ATF7IP: variants seen among roughly 807,000 people sequenced by gnomAD.
ATF7IP encodes the protein activating transcription factor 7 interacting protein, also known as activating transcription factor 7-interacting protein 1.
ATF7IP carries 23 observed loss-of-function variants against 106.4 expected under a neutral mutation model. The ratio of observed to expected loss-of-function variants is 0.22; its 90% CI spans 0.16 to 0.31. The LOEUF is 0.31. ATF7IP is among the 10% of genes least tolerant of loss of function. The pLI is 1.00. For missense variants in ATF7IP, 1,334 were observed against 1,524.3 expected (o/e 0.88, Z 2.08); for synonymous variants, 542 against 539.0 (o/e 1.01, Z -0.08).
intron 8 of ATF7IP, among the ~76,000 whole-genome samples, chr12:14,457,977 C>G (rs1349534339): frequency 6.6e-6 from 1 of 151,692 alleles, no homozygotes; most frequent in African/African-American, 2.4e-5. Context: ...GCCTGTAATC[C>G]CAGCTACTCA....
chr12:14,494,873 C>T (rs554062844), intron 13 of ATF7IP, among the ~76,000 whole-genome samples: 1 of 142,422 alleles, frequency 7.0e-6, no homozygotes, highest in African/African-American at 2.6e-5. Flanking sequence ...GCGGAGGTTG[C>T]AGTGAGCCGA....
intron 6 of ATF7IP, among the ~76,000 whole-genome samples, chr12:14,452,809 TA>T (rs1943257075): frequency 2.0e-5 from 3 of 152,192 alleles, no homozygotes; most frequent in Admixed American, 1.3e-4. Flanking sequence ...TAGAGAAGTT[TA>T]TATTTTTGTA....
intron 1 of ATF7IP, among the ~76,000 whole-genome samples, chr12:14,411,260 A>G (rs888553320): frequency 1.4e-4 from 21 of 152,154 alleles, no homozygotes; most frequent in African/African-American, 4.8e-4. Context: ...TGAAGGTTCC[A>G]ATTTATCCAT....
chr12:14,471,681 C>T (rs1944050512), intron 10 of ATF7IP, among the ~76,000 whole-genome samples: 2 of 152,060 alleles, frequency 1.3e-5, no homozygotes, highest in Admixed American at 6.6e-5. Flanking sequence ...AGAATGAGAG[C>T]AGAGCAAAGC....
At chr12:14,381,516 C>G (rs1939000572) in intron 1 of ATF7IP, among the ~76,000 whole-genome samples, 1 of 152,174 alleles carries the variant, frequency 6.6e-6, no homozygotes, top group Admixed American at 6.5e-5. Flanking sequence ...CAGGCTTGAG[C>G]CATCGTGTCC....
rs1262865301 is a variant in ATF7IP, at chr12:14,385,499, G to A, written c.-8+19672G>A. 4 of 1,161,964 alleles carry A rather than the reference G, an allele frequency of 3.4e-6. No homozygotes were observed. In the Admixed American group the frequency reaches 7.6e-5, roughly 22 times the overall value. 72.0% of individuals were successfully genotyped at this position (1,161,964 alleles called of 1,614,324 possible). On this transcript the variant is annotated intron_variant, in intron 1 of 14. Transcript: ENST00000261168. ...ACTTAGAGGGGTGAACTTAGAGCTT[G>A]GTTTTTAAAAAGTTGAAATGTTTGG... is the stretch of plus-strand genomic sequence containing the variant.
At chr12:14,395,575 C>G (rs1157633454) in intron 1 of ATF7IP, among the ~76,000 whole-genome samples, 4 of 152,060 alleles carry the variant, frequency 2.6e-5, no homozygotes, top group Non-Finnish European at 5.9e-5. Flanking sequence ...TCATTATAGT[C>G]TGTTACTATA....
chr12:14,416,811 C>CTA, intron 1 of ATF7IP: 1 of 630,462 alleles, frequency 1.6e-6, no homozygotes, highest in South Asian at 7.0e-5. Flanking sequence ...TGGTTTTAGA[C>CTA]TATTTCGGCT....
chr12:14,382,760 C>T (rs976768135), intron 1 of ATF7IP, among the ~76,000 whole-genome samples: 3 of 151,884 alleles, frequency 2.0e-5, no homozygotes, highest in Non-Finnish European at 4.4e-5. Flanking sequence ...AATCAAGATG[C>T]GATTTATATC....
chr12:14,416,673 A>G (rs1183964608), intron 1 of ATF7IP, among the ~76,000 whole-genome samples: 1 of 152,198 alleles, frequency 6.6e-6, no homozygotes, highest in Non-Finnish European at 1.5e-5. Context: ...GAGCATCTAG[A>G]GTTATATTCC....
Position 14,424,936 on chromosome 12 carries a change from G to T in ATF7IP, c.1021G>T (p.Ala341Ser). 1 of 1,605,944 alleles carries T rather than the reference G, an allele frequency of 6.2e-7. No individual in the cohort carries two copies. The highest frequency in any genetic ancestry group is 8.5e-7 in the Non-Finnish European group (1 of 1,178,024). The change falls in exon 2 of 15, where the codon GCT becomes TCT. Residue 341 changes from alanine to serine, a missense_variant. Ala to Ser is a moderately conservative substitution (Grantham distance 99). Around this residue, in one of 10 missense-constraint regions of ATF7IP, gnomAD observed 438 missense variants for 405.3 expected, o/e 1.08. Coordinates refer to ENST00000261168, the MANE Select transcript of ATF7IP (RefSeq NM_018179.5). ...AGACTCATTGGATGAGAAAAATAAAGCTGATAATAATATTGATGCTAATGA... is the reference window on the plus strand; with the variant it reads ...AGACTCATTGGATGAGAAAAATAAATCTGATAATAATATTGATGCTAATGA... Reference protein sequence around the residue: ...SKDSLDEKNKADNNIDANEET... With the variant: ...SKDSLDEKNKSDNNIDANEET...
chr12:14,432,191 T>C (rs903295630), intron 2 of ATF7IP, among the ~76,000 whole-genome samples: 5 of 152,208 alleles, frequency 3.3e-5, no homozygotes, highest in Non-Finnish European at 7.3e-5. Context: ...GTCACTCTAA[T>C]TGGAGCCATG....
At chr12:14,383,380 C>T (rs745372057) in intron 1 of ATF7IP, among the ~76,000 whole-genome samples, 5 of 152,170 alleles carry the variant, frequency 3.3e-5, no homozygotes, top group Non-Finnish European at 7.3e-5. Flanking sequence ...GTGGATCAGA[C>T]TTCCTAAAAA....
Position 14,425,297 on chromosome 12 carries a change from A to G in ATF7IP, c.1382A>G (p.Asp461Gly). ...TCTAAAACATCTCTCCTTCCAATCG[A>G]TGAGACAAATCCAGATTTGGAAGAG... is the stretch of plus-strand genomic sequence containing the variant. ...CFSKTSLLPI[D>G]ETNPDLEEKM... Residue 461 changes from aspartate (D) to glycine (G), a missense_variant, in exon 2 of 15, where the codon GAT becomes GGT. By Grantham distance (94) the Asp-to-Gly change is moderately conservative. Coordinates refer to ENST00000261168, the MANE Select transcript of ATF7IP (RefSeq NM_018179.5). The G allele has an allele frequency of 6.2e-7, 1 of 1,606,538 alleles. No individual in the cohort carries two copies. Among genetic ancestry groups the G allele is most frequent in the South Asian group, 1.1e-5 (1 of 89,170 alleles).
intron 1 of ATF7IP, among the ~76,000 whole-genome samples, chr12:14,372,533 A>C (rs2136395166): frequency 6.6e-6 from 1 of 152,044 alleles, no homozygotes; most frequent in African/African-American, 2.4e-5. Flanking sequence ...AGTTGGACCT[A>C]TATGAATATG....
intron 9 of ATF7IP, among the ~76,000 whole-genome samples, chr12:14,461,558 C>T (rs1416669607): frequency 1.1e-4 from 17 of 152,162 alleles, no homozygotes; most frequent in Non-Finnish European, 2.9e-5. Context: ...TGCACTCACT[C>T]ATAGCTTCCA....
chr12:14,400,306 G>A (rs967687760), intron 1 of ATF7IP, among the ~76,000 whole-genome samples: 15 of 152,074 alleles, frequency 9.9e-5, no homozygotes, highest in Admixed American at 9.8e-4. Flanking sequence ...CATAAAACAG[G>A]AAACATTTAT....
At chr12:14,400,125 TG>T (rs1414162121) in intron 1 of ATF7IP, among the ~76,000 whole-genome samples, 2 of 152,248 alleles carry the variant, frequency 1.3e-5, no homozygotes, top group African/African-American at 4.8e-5. Flanking sequence ...TTTCATGTGA[TG>T]ATTCACACTG....
chr12:14,458,641 A>G (rs1943526360), intron 8 of ATF7IP, among the ~76,000 whole-genome samples: 1 of 152,108 alleles, frequency 6.6e-6, no homozygotes, highest in African/African-American at 2.4e-5. Flanking sequence ...GGGGCAACAT[A>G]GTGAAACTCT....
Sources: gnomAD v4.1 joint callset for allele counts (sites outside exome capture counted in the v4.1 genomes callset) on GRCh38, gnomAD v4.1.1 for gene constraint, gnomAD v4.1.1 regional missense constraint, MANE v1.5 for transcripts, NCBI Gene and HGNC (gene_info 2026-07-23, HGNC 2026-07-21) for gene names.